The following PPP1R9A variants were observed in gnomAD, a reference collection of about 807,000 sequenced individuals.
The protein encoded by PPP1R9A is protein phosphatase 1 regulatory subunit 9A.
In PPP1R9A, 59 loss-of-function variants were observed where a neutral mutation model predicts 141.9. The observed-to-expected ratio is 0.42, with a 90% CI of 0.34 to 0.52. The LOEUF (loss-of-function observed/expected upper bound fraction) is 0.52. PPP1R9A is among the 20% of genes least tolerant of loss of function. PPP1R9A has a pLI of 0.10. For synonymous variants in PPP1R9A, 500 were observed against 569.7 expected, an observed-to-expected ratio of 0.88 and a Z score of 1.74; for missense variants, 1,444 against 1,611.9, an observed-to-expected ratio of 0.90 and a Z score of 1.78.
At chr7:94,929,468 G>A (rs868059381) in intron 2 of PPP1R9A, among the ~76,000 whole-genome samples, 7 of 152,122 alleles carry the variant, frequency 4.6e-5, no homozygotes, top group South Asian at 2.1e-4. Flanking sequence ...ACCTAACAGC[G>A]AGGCACAGAA....
chr7:95,089,220 T>C (rs1278950795), intron 2 of PPP1R9A, among the ~76,000 whole-genome samples: 1 of 152,100 alleles, frequency 6.6e-6, no homozygotes, highest in East Asian at 1.9e-4. Context: ...CAATGACTAC[T>C]ACCACTTTTA....
chr7:95,018,044 A>C (rs995704752), intron 2 of PPP1R9A: 4 of 153,692 alleles, frequency 2.6e-5, no homozygotes, highest in African/African-American at 9.6e-5. Context: ...AAGGTTTCAA[A>C]AATTATTTCC....
chr7:94,983,846 G>T (rs1211404225), intron 2 of PPP1R9A, among the ~76,000 whole-genome samples: 5 of 152,072 alleles, frequency 3.3e-5, no homozygotes, highest in African/African-American at 1.2e-4. Context: ...TGATTTCCCT[G>T]GCCAGAACTT....
At chr7:95,243,690 C>T (rs1265442669) in intron 8 of PPP1R9A, among the ~76,000 whole-genome samples, 3 of 151,986 alleles carry the variant, frequency 2.0e-5, no homozygotes, top group Admixed American at 6.6e-5. Context: ...GTTTTGTTTC[C>T]GCTCCATCAC....
chr7:95,199,900 G>A (rs1370780551), intron 6 of PPP1R9A, among the ~76,000 whole-genome samples: 1 of 152,088 alleles, frequency 6.6e-6, no homozygotes, highest in African/African-American at 2.4e-5. Flanking sequence ...TGAGATTGTA[G>A]AATCATTTTC....
chr7:95,033,764 A>T (rs1157162387), intron 2 of PPP1R9A, among the ~76,000 whole-genome samples: 1 of 152,058 alleles, frequency 6.6e-6, no homozygotes, highest in Non-Finnish European at 1.5e-5. Flanking sequence ...GTCATTGAAA[A>T]GTCTGTCCTT....
At chr7:95,130,878 A>C (rs1824476897) in intron 4 of PPP1R9A, among the ~76,000 whole-genome samples, 1 of 152,146 alleles carries the variant, frequency 6.6e-6, no homozygotes, top group South Asian at 2.1e-4. Context: ...GTATTTAACC[A>C]ATGCCTGTAC....
chr7:95,078,345 A>G (rs374625268), intron 2 of PPP1R9A, among the ~76,000 whole-genome samples: 9 of 151,694 alleles, frequency 5.9e-5, no homozygotes, highest in African/African-American at 1.7e-4. Context: ...ATTCCATGGT[A>G]TATATGTGCC....
chr7:95,117,339 G>T (rs529377457), intron 3 of PPP1R9A, among the ~76,000 whole-genome samples: 10 of 152,230 alleles, frequency 6.6e-5, no homozygotes, highest in African/African-American at 2.4e-4. Flanking sequence ...TTCACTCAGA[G>T]AAAGCTGTAT....
chr7:95,154,470 A>G (rs1380237511), intron 4 of PPP1R9A, among the ~76,000 whole-genome samples: 2 of 152,138 alleles, frequency 1.3e-5, no homozygotes, highest in Non-Finnish European at 2.9e-5. Flanking sequence ...TTATTGCATG[A>G]ATTTAGATTC....
chr7:95,214,784 TA>T (rs1289011515), intron 7 of PPP1R9A, among the ~76,000 whole-genome samples: 1 of 152,088 alleles, frequency 6.6e-6, no homozygotes, highest in Non-Finnish European at 1.5e-5. Context: ...TATTGGCAAA[TA>T]ATGATTTTTT....
intron 7 of PPP1R9A, among the ~76,000 whole-genome samples, chr7:95,220,853 G>A (rs562548326): frequency 6.6e-6 from 1 of 152,084 alleles, no homozygotes; most frequent in Non-Finnish European, 1.5e-5. Flanking sequence ...CATGTACACG[G>A]TTATTCATCT....
chr7:94,923,991 A>T (rs1793151099), intron 2 of PPP1R9A, among the ~76,000 whole-genome samples: 1 of 152,194 alleles, frequency 6.6e-6, no homozygotes, highest in Non-Finnish European at 1.5e-5. Flanking sequence ...ACCTTACTAC[A>T]ATATGGTTGA....
At chr7:95,057,989 G>A (rs1811720343) in intron 2 of PPP1R9A, among the ~76,000 whole-genome samples, 1 of 152,136 alleles carries the variant, frequency 6.6e-6, no homozygotes, top group South Asian at 2.1e-4. Context: ...TAGACCAATG[G>A]TTATAAACCA....
intron 8 of PPP1R9A, among the ~76,000 whole-genome samples, chr7:95,230,801 C>A (rs1414911272): frequency 2.0e-5 from 3 of 152,050 alleles, no homozygotes; most frequent in African/African-American, 4.8e-5. Flanking sequence ...CAAAATAGAA[C>A]CTTCTTCAAG....
At chr7:95,019,287 G>A (rs1805554841) in intron 2 of PPP1R9A, among the ~76,000 whole-genome samples, 1 of 152,018 alleles carries the variant, frequency 6.6e-6, no homozygotes, top group Non-Finnish European at 1.5e-5. Context: ...CCCAGCTGAG[G>A]CACAAGAATC....
At chr7:95,098,551 C>T (rs1195129229) in intron 2 of PPP1R9A, among the ~76,000 whole-genome samples, 1 of 152,054 alleles carries the variant, frequency 6.6e-6, no homozygotes, top group Admixed American at 6.5e-5. Flanking sequence ...AGATCCTCAC[C>T]CACTTATTTG....
At chr7:95,062,133 C>A (rs1812322604) in intron 2 of PPP1R9A, among the ~76,000 whole-genome samples, 1 of 152,110 alleles carries the variant, frequency 6.6e-6, no homozygotes, top group Admixed American at 6.5e-5. Context: ...GCACAGCTGG[C>A]AGGGTGCTTG....
chr7:95,040,067 C>T (rs979488283), intron 2 of PPP1R9A, among the ~76,000 whole-genome samples: 8 of 152,018 alleles, frequency 5.3e-5, no homozygotes, highest in African/African-American at 9.7e-5. Context: ...TATAGAGGAA[C>T]GAGGATCAGA....
Sources: gnomAD v4.1 joint callset for allele counts (sites outside exome capture counted in the v4.1 genomes callset) on GRCh38, gnomAD v4.1.1 for gene constraint, MANE v1.5 for transcripts, NCBI Gene and HGNC (gene_info 2026-07-23, HGNC 2026-07-21) for gene names.